ARHGAP15: variants seen among roughly 807,000 people sequenced by gnomAD.
ARHGAP15 encodes rho GTPase-activating protein 15.
ARHGAP15 carries 51 observed loss-of-function variants against 63.7 expected under a neutral mutation model. The observed-to-expected ratio is 0.80, with a 90% CI of 0.64 to 1.01. The LOEUF (loss-of-function observed/expected upper bound fraction) is 1.01. ARHGAP15 is among the 50% of genes least tolerant of loss of function. The probability of loss-of-function intolerance (pLI) is 0.00; values close to 1 mark genes in which losing one functional copy is unlikely to be tolerated. For synonymous variants in ARHGAP15, 191 were observed against 193.8 expected (o/e 0.99, Z 0.12); for missense variants, 560 against 564.6 (o/e 0.99, Z 0.08).
intron 11 of ARHGAP15, among the ~76,000 whole-genome samples, chr2:143,600,796 T>A (rs911490722): frequency 1.1e-4 from 16 of 152,190 alleles, no homozygotes; most frequent in African/African-American, 3.9e-4. Context: ...AACTCTCAGT[T>A]GATTTTAGGT....
chr2:143,164,291 G>A (rs980891234), intron 2 of ARHGAP15, among the ~76,000 whole-genome samples: 1 of 152,018 alleles, frequency 6.6e-6, no homozygotes, highest in African/African-American at 2.4e-5. Context: ...ATTAAAAACT[G>A]ATAAGCAGAA....
chr2:143,499,005 C>T (rs1692938209), intron 9 of ARHGAP15, among the ~76,000 whole-genome samples: 1 of 152,116 alleles, frequency 6.6e-6, no homozygotes, highest in African/African-American at 2.4e-5. Flanking sequence ...CCCTTTTATT[C>T]TCATTAAAAA....
chr2:143,259,194 G>C (rs946144562), intron 6 of ARHGAP15, among the ~76,000 whole-genome samples: 1 of 152,120 alleles, frequency 6.6e-6, no homozygotes, highest in African/African-American at 2.4e-5. Flanking sequence ...TGTACTGATA[G>C]GGGTGGCAGA....
intron 6 of ARHGAP15, among the ~76,000 whole-genome samples, chr2:143,259,689 C>T (rs948204104): frequency 1.3e-5 from 2 of 152,150 alleles, no homozygotes; most frequent in African/African-American, 4.8e-5. Context: ...TCTGGCCCTA[C>T]ATGTCATTCA....
chr2:143,350,653 A>T (rs1484000630), intron 6 of ARHGAP15, among the ~76,000 whole-genome samples: 1 of 138,320 alleles, frequency 7.2e-6, no homozygotes. Context: ...CCCCGTCTCT[A>T]TTAAAAATTA....
Position 143,455,407 on chromosome 2 carries a change from G to T in ARHGAP15, c.703+18365G>T, listed in dbSNP as rs1574472650. On this transcript the variant is annotated intron_variant, in intron 8 of 13. Coordinates refer to ENST00000295095, the MANE Select transcript of ARHGAP15 (RefSeq NM_018460.4). ...CTTTACCACATCCTTTTATCAGCAA[G>T]GTCTTTGTGACCTATACCTTGTACT... is the stretch of plus-strand genomic sequence containing the variant. Among the ~76,000 whole-genome samples the T allele has an allele frequency of 2.0e-5, 3 of 151,994 alleles. No individual in the cohort carries two copies. The Middle Eastern group carries it at 0.01, about 517-fold the overall frequency.
intron 13 of ARHGAP15, among the ~76,000 whole-genome samples, chr2:143,717,127 G>A (rs2105453780): frequency 6.6e-6 from 1 of 152,308 alleles, no homozygotes; most frequent in African/African-American, 2.4e-5. Flanking sequence ...AGGCAGTAAT[G>A]GTGCTGCCTT....
intron 12 of ARHGAP15, among the ~76,000 whole-genome samples, chr2:143,649,959 C>T (rs1681079237): frequency 6.6e-6 from 1 of 151,926 alleles, no homozygotes; most frequent in African/African-American, 2.4e-5. Flanking sequence ...ATAACCATTT[C>T]ACTAAAAACT....
chr2:143,137,944 C>A (rs1332767283), intron 1 of ARHGAP15, among the ~76,000 whole-genome samples: 2 of 152,042 alleles, frequency 1.3e-5, no homozygotes, highest in Non-Finnish European at 2.9e-5. Context: ...TGTATAATAT[C>A]ACCTATTCAT....
intron 6 of ARHGAP15, among the ~76,000 whole-genome samples, chr2:143,413,966 T>TGTGTGTGTGTGTGC: frequency 1.7e-5 from 2 of 117,910 alleles, no homozygotes; most frequent in Admixed American, 9.2e-5. Flanking sequence ...TGTGTGTGTG[T>TGTGTGTGTGTGTGC]GCGCGCTCTC....
rs6744903 is a variant in ARHGAP15 at position 143,192,010 on chromosome 2, G to A, written c.166-10124G>A. Among the ~76,000 whole-genome samples the A allele has an allele frequency of 4.9e-3, 743 of 152,282 alleles. 5 individuals are homozygous for A. The highest frequency in any genetic ancestry group is 0.016 in the African/African-American group (649 of 41,568). On this transcript the variant is annotated intron_variant, in intron 2 of 13. Coordinates refer to ENST00000295095, the MANE Select transcript of ARHGAP15 (RefSeq NM_018460.4). ...TTGCCAGAAACATTTCCAATCAAAA[G>A]CCAGACTAACCCATAAAGGTGTCCA... is the stretch of plus-strand genomic sequence containing the variant.
At chr2:143,434,191 C>A (rs934789170) in intron 6 of ARHGAP15, among the ~76,000 whole-genome samples, 2 of 151,994 alleles carry the variant, frequency 1.3e-5, no homozygotes, top group African/African-American at 4.8e-5. Flanking sequence ...CTAGTGTGGG[C>A]AATTAAATCT....
intron 6 of ARHGAP15, among the ~76,000 whole-genome samples, chr2:143,398,452 T>C (rs542489882): frequency 6.6e-6 from 1 of 152,226 alleles, no homozygotes; most frequent in African/African-American, 2.4e-5. Context: ...GCACACTCAG[T>C]TCATAGGCAC....
At chr2:143,444,889 T>C (rs1487132457) in intron 8 of ARHGAP15, among the ~76,000 whole-genome samples, 1 of 152,138 alleles carries the variant, frequency 6.6e-6, no homozygotes, top group East Asian at 1.9e-4. Flanking sequence ...CTTCAAGAAA[T>C]GGCTCATGGA....
intron 6 of ARHGAP15, among the ~76,000 whole-genome samples, chr2:143,346,154 GCACACA>G (rs558611067): frequency 4.2e-5 from 5 of 119,810 alleles, no homozygotes; most frequent in African/African-American, 1.5e-4. Context: ...GTACAAATGA[GCACACA>G]CACACACACA....
At chr2:143,698,720 A>G (rs1040524246) in intron 12 of ARHGAP15, among the ~76,000 whole-genome samples, 1 of 152,156 alleles carries the variant, frequency 6.6e-6, no homozygotes, top group African/African-American at 2.4e-5. Context: ...GAGGTATTTC[A>G]TGGAATAGAG....
rs1390081738 is a variant in ARHGAP15 at position 143,283,188 on chromosome 2, G to A, written c.474+32588G>A. Among the ~76,000 whole-genome samples, 3 of 151,970 alleles carry A rather than the reference G, an allele frequency of 2.0e-5. No homozygotes were observed. In the East Asian group the frequency reaches 5.8e-4, roughly 29 times the overall value. On this transcript the variant is annotated intron_variant, in intron 6 of 13. Transcript: ENST00000295095. ...CCCTGCAGCAAACTTGTAAATTTTT[G>A]CCAGGACCCGTGAAACTTCACAAGG...
At chr2:143,439,134 C>T (rs754375046) in intron 8 of ARHGAP15, among the ~76,000 whole-genome samples, 68 of 152,024 alleles carry the variant, frequency 4.5e-4, no homozygotes, top group Middle Eastern at 3.4e-3. Context: ...TACTTAAAAA[C>T]AAGGGAGGCC....
chr2:143,312,068 T>C (rs1435615918), intron 6 of ARHGAP15, among the ~76,000 whole-genome samples: 74 of 152,100 alleles, frequency 4.9e-4, no homozygotes, highest in Admixed American at 4.8e-3. Flanking sequence ...GCAAGTAAAA[T>C]TTGGTGGAGG....
Sources: gnomAD v4.1 joint callset for allele counts (sites outside exome capture counted in the v4.1 genomes callset) on GRCh38, gnomAD v4.1.1 for gene constraint, MANE v1.5 for transcripts, NCBI Gene and HGNC (gene_info 2026-07-23, HGNC 2026-07-21) for gene names.